The following UBE2L3 variants were observed in gnomAD, a reference collection of about 807,000 sequenced individuals.
UBE2L3 encodes ubiquitin-conjugating enzyme E2 L3.
UBE2L3 carries 1 observed loss-of-function variant against 17.8 expected under a neutral mutation model. The ratio of observed to expected loss-of-function variants is 0.06; its 90% CI spans 0.02 to 0.27. The LOEUF (loss-of-function observed/expected upper bound fraction) is 0.27. Among genes scored for constraint, UBE2L3 ranks in the 10% least tolerant of loss-of-function variants. The pLI, the probability that UBE2L3 is intolerant of heterozygous loss-of-function variation, is 1.00. For missense variants in UBE2L3, 40 were observed against 192.6 expected, an observed-to-expected ratio of 0.21 and a Z score of 4.69; for synonymous variants, 44 against 68.5, an observed-to-expected ratio of 0.64 and a Z score of 1.76.
At chr22:21,557,645 C>A (rs1282366404) in intron 1 of UBE2L3, among the ~76,000 whole-genome samples, 1 of 152,198 alleles carries the variant, frequency 6.6e-6, no homozygotes, top group Non-Finnish European at 1.5e-5. Context: ...GCCTCAGCCT[C>A]CCGAGTAGCT....
chr22:21,581,674 C>A (rs541223242), intron 1 of UBE2L3, among the ~76,000 whole-genome samples: 61 of 151,588 alleles, frequency 4.0e-4, no homozygotes, highest in African/African-American at 1.5e-3. Context: ...TGGTGGCGGG[C>A]GCCTGTAATC....
intron 1 of UBE2L3, among the ~76,000 whole-genome samples, chr22:21,558,431 G>A (rs544332439): frequency 4.3e-3 from 662 of 152,184 alleles, no homozygotes; most frequent in Admixed American, 0.039. Context: ...AGGAGATCGA[G>A]ACCATCCTGG....
At chr22:21,598,210 T>TGTGTGTGTGTGTGTG (rs1555885647) in intron 2 of UBE2L3, among the ~76,000 whole-genome samples, 2 of 151,888 alleles carry the variant, frequency 1.3e-5, no homozygotes, top group East Asian at 1.9e-4. Context: ...TGTGTGTGTG[T>TGTGTGTGTGTGTGTG]TTTTCATTTA....
intron 1 of UBE2L3, among the ~76,000 whole-genome samples, chr22:21,587,252 G>A (rs373325879): frequency 1.3e-3 from 190 of 151,352 alleles, no homozygotes; most frequent in Middle Eastern, 6.8e-3. Context: ...GTGCAGTGGC[G>A]CGATCTCGGC....
At chr22:21,588,870 G>C (rs1340591927) in intron 1 of UBE2L3, among the ~76,000 whole-genome samples, 1 of 151,800 alleles carries the variant, frequency 6.6e-6, no homozygotes, top group Non-Finnish European at 1.5e-5. Flanking sequence ...CACCATCTTG[G>C]CCAGGCTGGT....
chr22:21,577,139 TTTGTA>T, intron 1 of UBE2L3, among the ~76,000 whole-genome samples: 1 of 152,076 alleles, frequency 6.6e-6, no homozygotes, highest in Non-Finnish European at 1.5e-5. Context: ...CAGCTAATCT[TTTGTA>T]TTTTTAGTAG....
intron 3 of UBE2L3, among the ~76,000 whole-genome samples, chr22:21,619,782 C>G (rs772502437): frequency 1.2e-4 from 18 of 152,152 alleles, no homozygotes; most frequent in Non-Finnish European, 2.5e-4. Flanking sequence ...ACTGCCGTCT[C>G]CCGGGTTCAA....
intron 2 of UBE2L3, among the ~76,000 whole-genome samples, chr22:21,599,761 G>A (rs1314248374): frequency 6.6e-6 from 1 of 152,170 alleles, no homozygotes; most frequent in Non-Finnish European, 1.5e-5. Flanking sequence ...CGGCATCCTG[G>A]GGAATGGGGT....
At chr22:21,564,833 G>T (rs761552859), upstream of UBE2L3, among the ~76,000 whole-genome samples, 10 of 152,144 alleles carry the variant, frequency 6.6e-5, no homozygotes, top group Non-Finnish European at 1.2e-4. Context: ...CCCAGTAAGG[G>T]CAGGTTCTGT....
chr22:21,608,067 T>A (rs1317513842), intron 2 of UBE2L3, among the ~76,000 whole-genome samples: 2 of 152,162 alleles, frequency 1.3e-5, no homozygotes, highest in African/African-American at 4.8e-5. Context: ...CACTTAAAAC[T>A]CTATAATAAG....
intron 1 of UBE2L3, among the ~76,000 whole-genome samples, chr22:21,588,463 C>CTTTTTTTTTTTTTTT (rs1255043408): frequency 4.8e-5 from 5 of 103,322 alleles, no homozygotes; most frequent in Non-Finnish European, 7.8e-5. Context: ...TTTCTTCTTT[C>CTTTTTTTTTTTTTTT]TTTTTTTTTT....
chr22:21,610,856 G>A lies in UBE2L3; in HGVS notation c.124-1G>A. 6.2e-7 allele frequency: 1 copy of A among 1,603,318 alleles called. No individual in the cohort carries two copies. Among genetic ancestry groups the A allele is most frequent in the Non-Finnish European group, 8.5e-7 (1 of 1,175,206 alleles). The stretch of plus-strand genomic sequence containing the variant: ...TCATTTTGATCTCTCTTTCCTTCCA[G>A]GACAACCCTCCATATGATAAGGGAG... On this transcript the variant is annotated splice_acceptor_variant, in intron 2 of 3. Coordinates refer to ENST00000342192, the MANE Select transcript of UBE2L3 (RefSeq NM_003347.4). LOFTEE classifies it high-confidence loss of function.
At chr22:21,607,162 C>T (rs928118505) in intron 2 of UBE2L3, among the ~76,000 whole-genome samples, 15 of 152,050 alleles carry the variant, frequency 9.9e-5, no homozygotes, top group African/African-American at 2.7e-4. Context: ...TACTGGAGTG[C>T]GTACTTAGGC....
chr22:21,565,736 CAG>C (rs1444247502), upstream of UBE2L3, among the ~76,000 whole-genome samples: 1 of 94,760 alleles, frequency 1.1e-5, no homozygotes, highest in Non-Finnish European at 1.9e-5. Context: ...CCCTGGGTGA[CAG>C]AGTGAAACTG....
chr22:21,604,559 T>C lies in UBE2L3; in HGVS notation c.124-6298T>C, dbSNP rs148485524. 1.2e-4 allele frequency among the ~76,000 whole-genome samples: 19 copies of C among 152,278 alleles called. No individual in the cohort carries two copies. The East Asian group carries it at 3.5e-3, about 28-fold the overall frequency. On this transcript the variant is annotated intron_variant, in intron 2 of 3. Transcript: ENST00000342192. ...GACATTGAAATGTTGCAGCTTAAGT[T>C]GGAGGCAAATTTTCTGCAATGTTTT...
At chr22:21,594,251 T>C (rs1928408127) in intron 2 of UBE2L3, among the ~76,000 whole-genome samples, 1 of 152,224 alleles carries the variant, frequency 6.6e-6, no homozygotes. Context: ...AAGCAGAGCA[T>C]GGAGCATGCT....
intron 1 of UBE2L3, among the ~76,000 whole-genome samples, chr22:21,590,622 T>C (rs911871808): frequency 6.6e-6 from 1 of 152,262 alleles, no homozygotes; most frequent in Non-Finnish European, 1.5e-5. Context: ...CTTCTTTTTT[T>C]AGTTGTCTAG....
At chr22:21,564,912 G>A (rs1238069326), upstream of UBE2L3, among the ~76,000 whole-genome samples, 1 of 152,028 alleles carries the variant, frequency 6.6e-6, no homozygotes, top group African/African-American at 2.4e-5. Flanking sequence ...ATCTGATGGG[G>A]TCCCTCATGC....
intron 2 of UBE2L3, among the ~76,000 whole-genome samples, chr22:21,609,481 CA>C: frequency 6.6e-6 from 1 of 152,194 alleles, no homozygotes; most frequent in Non-Finnish European, 1.5e-5. Flanking sequence ...CCGAGACAGG[CA>C]GATCTCTTGA....
Sources: gnomAD v4.1 joint callset for allele counts (sites outside exome capture counted in the v4.1 genomes callset) on GRCh38, gnomAD v4.1.1 for gene constraint, MANE v1.5 for transcripts, NCBI Gene and HGNC (gene_info 2026-07-23, HGNC 2026-07-21) for gene names.